The following AMELY variants were observed in gnomAD, a reference collection of about 807,000 sequenced individuals.
AMELY encodes the protein amelogenin Y-linked, also known as amelogenin, Y isoform.
Under a neutral mutation model 4.2 loss-of-function variants are expected in AMELY, and 4 were observed. The observed-to-expected ratio is 0.96, with a 90% CI of 0.47 to 2.19. The LOEUF (loss-of-function observed/expected upper bound fraction) is 2.19. Ranked by LOEUF, AMELY falls within the 30% of genes most tolerant of loss-of-function variation. The pLI, the probability that AMELY is intolerant of heterozygous loss-of-function variation, is 0.02. For missense variants in AMELY, 32 were observed against 41.5 expected, an observed-to-expected ratio of 0.77 and a Z score of 0.63; for synonymous variants, 11 against 14.7, an observed-to-expected ratio of 0.75 and a Z score of 0.57.
intron 1 of AMELY, among the ~76,000 whole-genome samples, chrY:6,905,065 C>T: frequency 6.0e-5 from 2 of 33,580 alleles, no homozygotes; most frequent in African/African-American, 1.2e-4. Flanking sequence ...AATGGCAGCA[C>T]AGCTTGCACA....
At chrY:6,905,397 A>G (rs2011659474) in intron 1 of AMELY, among the ~76,000 whole-genome samples, 1 of 32,833 alleles carries the variant, frequency 3.0e-5, no homozygotes, top group South Asian at 7.1e-4. Flanking sequence ...TATCTCACCA[A>G]TAAGTCCAAT....
At chrY:6,879,561 T>C (rs2054073867) in intron 1 of AMELY, among the ~76,000 whole-genome samples, 1 of 33,996 alleles carries the variant, frequency 2.9e-5, no homozygotes, top group African/African-American at 1.1e-4. Context: ...ATTTTGGCTT[T>C]CATTGCCATG....
At chrY:6,908,456 C>CA (rs1337838200) in intron 1 of AMELY, among the ~76,000 whole-genome samples, 33 of 1,800 alleles carry the variant, frequency 0.018, no homozygotes, top group East Asian at 0.029. Context: ...AGTCAGTCTC[C>CA]AAAAAAAAAA....
At chrY:6,883,882 G>C in intron 1 of AMELY, among the ~76,000 whole-genome samples, 1 of 32,172 alleles carries the variant, frequency 3.1e-5, no homozygotes, top group Non-Finnish European at 7.5e-5. Flanking sequence ...TAGCGCTCCT[G>C]CTTGTGCAAC....
At chrY:6,902,236 T>C (rs1603023254) in intron 1 of AMELY, among the ~76,000 whole-genome samples, 2 of 34,030 alleles carry the variant, frequency 5.9e-5, no homozygotes, top group East Asian at 1.6e-3. Flanking sequence ...ATTTTCTTAG[T>C]ACAGGTGTAT....
At chrY:6,902,891 T>C in intron 1 of AMELY, among the ~76,000 whole-genome samples, 1 of 32,206 alleles carries the variant, frequency 3.1e-5, no homozygotes, top group African/African-American at 1.2e-4. Context: ...AATTTTTGTA[T>C]TTTTAGTAGA....
intron 1 of AMELY, among the ~76,000 whole-genome samples, chrY:6,876,908 G>A: frequency 3.0e-5 from 1 of 33,212 alleles, no homozygotes; most frequent in South Asian, 6.9e-4. Context: ...TAAGTCAACA[G>A]TCCTCACAAC....
intron 1 of AMELY, among the ~76,000 whole-genome samples, chrY:6,884,887 A>C: frequency 3.0e-5 from 1 of 33,607 alleles, no homozygotes; most frequent in South Asian, 6.6e-4. Flanking sequence ...CTAACCCATA[A>C]AAAAACAAGC....
chrY:6,872,651 A>G, intron 2 of AMELY, 31 bp from the exon 3 acceptor site: 1 of 349,878 alleles, frequency 2.9e-6, no homozygotes, highest in East Asian at 9.4e-5. Context: ...TGCTTTTCTC[A>G]TCTCTTCTCA....
At chrY:6,872,126 A>G in intron 3 of AMELY, among the ~76,000 whole-genome samples, 1 of 33,012 alleles carries the variant, frequency 3.0e-5, no homozygotes, top group South Asian at 7.0e-4. Context: ...AGCTGTACCA[A>G]ATCAGAACCT....
intron 1 of AMELY, among the ~76,000 whole-genome samples, chrY:6,885,292 A>G (rs577201061): frequency 1.2e-3 from 39 of 33,567 alleles, no homozygotes; most frequent in South Asian, 4.0e-3. Flanking sequence ...ATCCTAACAC[A>G]GTGAAACCCC....
chrY:6,878,464 G>A, intron 1 of AMELY, among the ~76,000 whole-genome samples: 1 of 33,302 alleles, frequency 3.0e-5, no homozygotes, highest in South Asian at 6.9e-4. Context: ...TTCCCAAAAA[G>A]AGACGTGGAT....
chrY:6,867,539 T>C, intron 6 of AMELY, among the ~76,000 whole-genome samples: 1 of 33,105 alleles, frequency 3.0e-5, no homozygotes. Flanking sequence ...TGAAAACTAC[T>C]GAAAATGGGA....
intron 6 of AMELY, among the ~76,000 whole-genome samples, chrY:6,867,083 G>A (rs2054062575): frequency 3.0e-5 from 1 of 33,352 alleles, no homozygotes; most frequent in African/African-American, 1.2e-4. Flanking sequence ...ACAGAGGCTT[G>A]AAAATGATCT....
chrY:6,909,202 TG>T (rs2011674955), intron 1 of AMELY, among the ~76,000 whole-genome samples: 1 of 33,012 alleles, frequency 3.0e-5, no homozygotes, highest in East Asian at 8.0e-4. Context: ...AGTCCAGAGC[TG>T]TAAAGACTTC....
At chrY:6,901,194 A>T in intron 1 of AMELY, 2 of 34,962 alleles carry the variant, frequency 5.7e-5, no homozygotes, top group Admixed American at 5.7e-4. Context: ...AGATTAGAGA[A>T]TACAAATCTA....
At chrY:6,880,983 G>A in intron 1 of AMELY, among the ~76,000 whole-genome samples, 2 of 30,301 alleles carry the variant, frequency 6.6e-5, no homozygotes, top group African/African-American at 2.6e-4. Flanking sequence ...AGCAGCTCCT[G>A]GATTCATTGA....
chrY:6,888,667 C>T (rs2054081366), intron 1 of AMELY, among the ~76,000 whole-genome samples: 6 of 30,148 alleles, frequency 2.0e-4, no homozygotes, highest in African/African-American at 7.9e-4. Flanking sequence ...GTCAGGGGTT[C>T]AAGACCAGCC....
intron 1 of AMELY, among the ~76,000 whole-genome samples, chrY:6,889,016 A>T (rs2054081645): frequency 3.3e-5 from 1 of 30,433 alleles, no homozygotes; most frequent in African/African-American, 1.3e-4. Context: ...CAGCATGGCC[A>T]ACATAGCGAA....
Sources: allele counts gnomAD v4.1 joint callset (sites outside exome capture counted in the v4.1 genomes callset), GRCh38; gene constraint gnomAD v4.1.1; transcripts MANE v1.5; gene names NCBI Gene and HGNC (gene_info 2026-07-23, HGNC 2026-07-21).